Variants in NCAPH observed in about 807,000 individuals in gnomAD.
NCAPH encodes condensin complex subunit 2.
In NCAPH, 38 loss-of-function variants were observed where a neutral mutation model predicts 85.5. The ratio of observed to expected loss-of-function variants is 0.44; its 90% CI spans 0.34 to 0.58. The LOEUF (loss-of-function observed/expected upper bound fraction) is 0.58. NCAPH is among the 20% of genes least tolerant of loss of function. NCAPH has a pLI of 0.01. For missense variants in NCAPH, 789 were observed against 916.6 expected (o/e 0.86, Z 1.80); for synonymous variants, 301 against 335.1 (o/e 0.90, Z 1.11).
At chr2:96,351,616 C>T (rs1171833562) in intron 6 of NCAPH, among the ~76,000 whole-genome samples, 1 of 140,748 alleles carries the variant, frequency 7.1e-6, no homozygotes, top group African/African-American at 2.6e-5. Flanking sequence ...TGCAGTGAGC[C>T]AATATCATGC....
chr2:96,339,074 G>A (rs2064255652), intron 1 of NCAPH, among the ~76,000 whole-genome samples: 1 of 152,178 alleles, frequency 6.6e-6, no homozygotes, highest in South Asian at 2.1e-4. Context: ...GCCTCCCAAA[G>A]TGCTGGGATT....
chr2:96,335,870 C>G, intron 1 of NCAPH, 22 bp downstream of exon 1: 1 of 1,465,592 alleles, frequency 6.8e-7, no homozygotes, highest in African/African-American at 1.5e-5. Flanking sequence ...GGTCGGGAGG[C>G]GCGGCGGGAA....
chr2:96,342,052 G>A lies in NCAPH; in HGVS notation c.275G>A (p.Ser92Asn), dbSNP rs757817973. 5.6e-6 allele frequency: 9 copies of A among 1,610,496 alleles called. No homozygotes were observed. The highest frequency in any genetic ancestry group is 2.7e-5 in the African/African-American group (2 of 74,922). Residue 92 changes from serine (S) to asparagine (N), a missense_variant and splice_region_variant, in exon 3 of 18, where the codon AGT becomes AAT. By Grantham distance (46) the Ser-to-Asn change is conservative. Coordinates refer to ENST00000240423, the MANE Select transcript of NCAPH (RefSeq NM_015341.5). ...GTTTGTTTTTGTTTTCCATTTAGGAGTATTGACATTTCAGCTACTATCCCC... is the reference window on the plus strand; with the variant it reads ...GTTTGTTTTTGTTTTCCATTTAGGAATATTGACATTTCAGCTACTATCCCC... ...PRLLASPSSR[S>N]IDISATIPKF...
chr2:96,366,091 T>A (rs759934797), intron 14 of NCAPH, 33 bp downstream of exon 14: 1 of 1,605,392 alleles, frequency 6.2e-7, no homozygotes, highest in Non-Finnish European at 8.5e-7. Flanking sequence ...TTACATTGTT[T>A]GCCTGAAATC....
intron 13 of NCAPH, 130 bp downstream of exon 13, chr2:96,364,721 A>G (rs1475022094): frequency 4.5e-6 from 3 of 672,004 alleles, no homozygotes; most frequent in African/African-American, 1.8e-5. Flanking sequence ...TTTCTGGGTA[A>G]AGGGTCTGCC....
chr2:96,376,749 T>A lies in NCAPH; in HGVS notation c.*3398T>A, dbSNP rs2064836480. 1.3e-5 allele frequency among the ~76,000 whole-genome samples: 2 copies of A among 152,202 alleles called. No individual in the cohort carries two copies. The highest frequency in any genetic ancestry group is 1.3e-4 in the Admixed American group (2 of 15,274). ...TGCTCAGCACTGAGGCAGCAAGCCATGATCTAGGTCTTCGAGTAGAATTCT... is the reference window on the plus strand; with the variant it reads ...TGCTCAGCACTGAGGCAGCAAGCCAAGATCTAGGTCTTCGAGTAGAATTCT... On this transcript the variant is annotated 3_prime_UTR_variant, in exon 18 of 18. Transcript: ENST00000240423.
chr2:96,370,218 C>T (rs542716797), intron 17 of NCAPH, among the ~76,000 whole-genome samples: 2 of 152,334 alleles, frequency 1.3e-5, no homozygotes, highest in South Asian at 4.1e-4. Flanking sequence ...GCCTTTGGCA[C>T]GTGCAGTAGA....
chr2:96,359,102 T>C lies in NCAPH; in HGVS notation c.1266T>C (p.Ser422=), dbSNP rs142175452. Residue 422 remains serine (S), a synonymous_variant, in exon 10 of 18, where the codon TCT becomes TCC. Coordinates refer to ENST00000240423, the MANE Select transcript of NCAPH (RefSeq NM_015341.5). ...GDIRTMCPLL[S]MKPGEYSYFS... is the part of the protein sequence containing the mutation. ...TCAGGACCATGTGCCCCCTTCTGTC[T>C]ATGAAACCTGGAGAATATTCTTATT... 68 of 1,614,228 alleles carry C rather than the reference T, an allele frequency of 4.2e-5. 1 individual carries two copies. The East Asian group carries it at 1.2e-3, about 28-fold the overall frequency.
Position 96,341,886 on chromosome 2 carries a change from C to T in NCAPH, c.264C>T (p.Pro88=), listed in dbSNP as rs376354719. Residue 88 remains proline (P), a synonymous_variant, in exon 2 of 18, where the codon CCC becomes CCT. Transcript: ENST00000240423. ...ACTCACCTCGCTTATTGGCCTCCCCCTCCAGCAGGTGAGGTGCTCCTGGGC... is the reference window on the plus strand; with the variant it reads ...ACTCACCTCGCTTATTGGCCTCCCCTTCCAGCAGGTGAGGTGCTCCTGGGC... ...STDSPRLLAS[P]SSRSIDISAT... is the part of the protein sequence containing the mutation. The T allele has an allele frequency of 6.2e-7, 1 of 1,609,108 alleles. No homozygotes were observed. Among genetic ancestry groups the T allele is most frequent in the Non-Finnish European group, 8.5e-7 (1 of 1,178,386 alleles).
In NCAPH at chr2:96,375,040, T is replaced by A. The variant is rs1289058132; in HGVS notation, c.*1689T>A. 2.0e-5 allele frequency among the ~76,000 whole-genome samples: 3 copies of A among 150,702 alleles called. No individual in the cohort carries two copies. Among genetic ancestry groups the A allele is most frequent in the Non-Finnish European group, 4.4e-5 (3 of 67,662 alleles). On this transcript the variant is annotated 3_prime_UTR_variant, in exon 18 of 18. Coordinates refer to ENST00000240423, the MANE Select transcript of NCAPH (RefSeq NM_015341.5). ...CCTGGGCAAAATAGAACCCCATCTT[T>A]AAAAAAAAAGTTTAAAAATTAGCCA...
Position 96,353,358 on chromosome 2 carries a change from G to A in NCAPH, c.963G>A (p.Gly321=). The change falls in exon 8 of 18, where the codon GGG becomes GGA. Residue 321 remains glycine (G), a synonymous_variant. Coordinates refer to ENST00000240423, the MANE Select transcript of NCAPH (RefSeq NM_015341.5). ...EDRQICPSLA[G]FQFTQWDSET... is the part of the protein sequence containing the mutation. ...GCCAGATCTGCCCTTCCCTGGCCGGGTTCCAGTTTACACAGTGGGACAGTG... is the reference window on the plus strand; with the variant it reads ...GCCAGATCTGCCCTTCCCTGGCCGGATTCCAGTTTACACAGTGGGACAGTG... 1 of 1,614,210 alleles carries A rather than the reference G, an allele frequency of 6.2e-7. No homozygotes were observed. Among genetic ancestry groups the A allele is most frequent in the Non-Finnish European group, 8.5e-7 (1 of 1,180,028 alleles).
chr2:96,362,009 AC>A (rs896971689), intron 12 of NCAPH, among the ~76,000 whole-genome samples: 2 of 151,402 alleles, frequency 1.3e-5, no homozygotes, highest in African/African-American at 4.9e-5. Context: ...CTCCCAAAGT[AC>A]AGGGATTACA....
At chr2:96,343,987 C>CCA in intron 5 of NCAPH, 118 bp from the exon 6 acceptor site, 1 of 1,316,086 alleles carries the variant, frequency 7.6e-7, no homozygotes, top group Admixed American at 2.3e-5. Context: ...CAGGCATGAG[C>CCA]CACCACACCT....
At chr2:96,349,962 CT>C (rs1290613727) in intron 6 of NCAPH, among the ~76,000 whole-genome samples, 1 of 152,172 alleles carries the variant, frequency 6.6e-6, no homozygotes, top group East Asian at 1.9e-4. Context: ...GGCTAGGTGT[CT>C]TGTCAGGTAG....
At chr2:96,343,129 TG>T in intron 4 of NCAPH, 36 bp from the exon 5 acceptor site, 1 of 1,604,632 alleles carries the variant, frequency 6.2e-7, no homozygotes, top group Non-Finnish European at 8.5e-7. Context: ...TTGTTTTTTG[TG>T]TATCTTTGTG....
chr2:96,369,073 G>A lies in NCAPH; in HGVS notation c.2090+10G>A, dbSNP rs1224517697. On this transcript the variant is annotated intron_variant, in intron 16 of 17. Transcript: ENST00000240423. ...AGGACCTGCAGAGGAGGTGCGGGCT[G>A]GCAGGCATGGGGGCTTTGTTGGGGC... The A allele has an allele frequency of 1.9e-6, 3 of 1,552,734 alleles. No individual in the cohort carries two copies. The highest frequency in any genetic ancestry group is 2.0e-5 in the Admixed American group (1 of 51,042).
intron 6 of NCAPH, among the ~76,000 whole-genome samples, chr2:96,350,278 T>C (rs758154238): frequency 3.1e-4 from 47 of 152,326 alleles, no homozygotes; most frequent in Non-Finnish European, 6.2e-4. Context: ...ACACATGATA[T>C]AATTCTAGAC....
intron 9 of NCAPH, among the ~76,000 whole-genome samples, chr2:96,358,636 T>C (rs1216589622): frequency 6.6e-6 from 1 of 151,982 alleles, no homozygotes; most frequent in Non-Finnish European, 1.5e-5. Context: ...GCCCGGCTAA[T>C]TTTTTGTATT....
Position 96,351,925 on chromosome 2 carries a change from G to A in NCAPH, c.815G>A (p.Ser272Asn). 1 of 1,614,206 alleles carries A rather than the reference G, an allele frequency of 6.2e-7. No homozygotes were observed. The highest frequency in any genetic ancestry group is 8.5e-7 in the Non-Finnish European group (1 of 1,180,012). Residue 272 changes from serine to asparagine, a missense_variant, in exon 7 of 18, where the codon AGT (serine) becomes AAT (asparagine). Ser to Asn is a conservative substitution (Grantham distance 46). Coordinates refer to ENST00000240423, the MANE Select transcript of NCAPH (RefSeq NM_015341.5). ...LSTLHCQDYR[S>N]ELLFPSDVQT... ...ACTCTCCACTGCCAGGACTACAGAAGTGAACTGCTGTTTCCCTCTGATGTC... is the reference window on the plus strand; with the variant it reads ...ACTCTCCACTGCCAGGACTACAGAAATGAACTGCTGTTTCCCTCTGATGTC...
Sources: allele counts gnomAD v4.1 joint callset (sites outside exome capture counted in the v4.1 genomes callset), GRCh38; gene constraint gnomAD v4.1.1; transcripts MANE v1.5; gene names NCBI Gene and HGNC (gene_info 2026-07-23, HGNC 2026-07-21).